The following SH3PXD2A variants were observed in gnomAD, a reference collection of about 807,000 sequenced individuals.
The protein encoded by SH3PXD2A is SH3 and PX domain-containing protein 2A.
Under a neutral mutation model 115.2 loss-of-function variants are expected in SH3PXD2A, and 32 were observed. That is an observed-to-expected ratio of 0.28 (90% CI 0.21 to 0.37). SH3PXD2A has a LOEUF of 0.37. Ranked by LOEUF, SH3PXD2A falls within the 10% of genes least tolerant of loss-of-function variation. The pLI is 1.00. For missense variants in SH3PXD2A, 1,328 were observed against 1,498.7 expected, an observed-to-expected ratio of 0.89 and a Z score of 1.88; for synonymous variants, 610 against 629.1, an observed-to-expected ratio of 0.97 and a Z score of 0.45.
At chr10:103,607,283 G>A in intron 13 of SH3PXD2A, among the ~76,000 whole-genome samples, 1 of 151,858 alleles carries the variant, frequency 6.6e-6, no homozygotes, top group South Asian at 2.1e-4. Flanking sequence ...GAGAAGTGAG[G>A]AGCCCCTCCG....
At chr10:103,715,831 C>T (rs575015274) in intron 5 of SH3PXD2A, among the ~76,000 whole-genome samples, 44 of 152,328 alleles carry the variant, frequency 2.9e-4, no homozygotes, top group African/African-American at 9.6e-4. Flanking sequence ...GCTATTCCAG[C>T]TGCACTGCCA....
intron 2 of SH3PXD2A, among the ~76,000 whole-genome samples, chr10:103,774,381 T>C (rs896617320): frequency 1.3e-5 from 2 of 152,208 alleles, no homozygotes; most frequent in African/African-American, 4.8e-5. Context: ...TATGGCACTT[T>C]TAAGTTTCAA....
chr10:103,767,821 T>TTTTG (rs1564884201), intron 2 of SH3PXD2A, among the ~76,000 whole-genome samples: 3 of 148,258 alleles, frequency 2.0e-5, no homozygotes, highest in African/African-American at 7.4e-5. Context: ...TTTTTTTTTT[T>TTTTG]TTTTTTTTTT....
Position 103,600,281 on chromosome 10 carries a change from C to T in SH3PXD2A, c.*1535G>A, listed in dbSNP as rs1417693819. ...CTGAAATGTCAACAATTGAAAAACACAACCCAAAGGTGACAGAGGACCTAC... is the reference window on the plus strand; with the variant it reads ...CTGAAATGTCAACAATTGAAAAACATAACCCAAAGGTGACAGAGGACCTAC... On this transcript the variant is annotated 3_prime_UTR_variant, in exon 15 of 15. Coordinates refer to ENST00000369774, the MANE Select transcript of SH3PXD2A (RefSeq NM_001394015.1). 1 of 152,686 alleles carries T rather than the reference C, an allele frequency of 6.5e-6. No individual in the cohort carries two copies. Among genetic ancestry groups the T allele is most frequent in the African/African-American group, 2.4e-5 (1 of 41,468 alleles). The allele number at this position is 152,686 out of a possible 1,614,324, so 9.5% of individuals were successfully genotyped here.
intron 8 of SH3PXD2A, among the ~76,000 whole-genome samples, chr10:103,653,565 C>T (rs972170618): frequency 7.2e-5 from 11 of 152,136 alleles, no homozygotes; most frequent in Non-Finnish European, 1.5e-4. Context: ...TCCACAGAGC[C>T]AGTAGGTCCA....
intron 5 of SH3PXD2A, among the ~76,000 whole-genome samples, chr10:103,694,848 C>T (rs1200155805): frequency 6.6e-6 from 1 of 152,114 alleles, no homozygotes; most frequent in Admixed American, 6.6e-5. Context: ...CTTCCATTTG[C>T]CCCCTCCCCT....
chr10:103,619,225 G>A (rs1030666000), intron 10 of SH3PXD2A, among the ~76,000 whole-genome samples: 6 of 152,164 alleles, frequency 3.9e-5, no homozygotes, highest in Non-Finnish European at 5.9e-5. Context: ...ATTCTGACTC[G>A]GCCCTTTGAG....
At chr10:103,726,243 C>T (rs1233003728) in intron 4 of SH3PXD2A, among the ~76,000 whole-genome samples, 6 of 152,352 alleles carry the variant, frequency 3.9e-5, no homozygotes, top group African/African-American at 1.4e-4. Flanking sequence ...CATACCCCTG[C>T]CTCCTGAAAC....
intron 2 of SH3PXD2A, among the ~76,000 whole-genome samples, chr10:103,771,790 C>T (rs2038825154): frequency 1.3e-5 from 2 of 151,124 alleles, no homozygotes; most frequent in Admixed American, 6.6e-5. Context: ...CAGACACACA[C>T]ATACCCTGCA....
At chr10:103,678,165 G>C (rs564241227) in intron 6 of SH3PXD2A, 29 of 1,288,576 alleles carry the variant, frequency 2.3e-5, no homozygotes, top group East Asian at 5.5e-5. Flanking sequence ...TGTAATGTCT[G>C]GGGGGAGCAG....
chr10:103,760,707 T>A (rs916774945), intron 3 of SH3PXD2A, among the ~76,000 whole-genome samples: 37 of 152,014 alleles, frequency 2.4e-4, no homozygotes, highest in African/African-American at 8.9e-4. Context: ...AAAAGAGAGC[T>A]GGAGTAAAAA....
chr10:103,602,360 G>A lies in SH3PXD2A; in HGVS notation c.2858C>T (p.Pro953Leu). 1 of 1,613,620 alleles carries A rather than the reference G, an allele frequency of 6.2e-7. No homozygotes were observed. The highest frequency in any genetic ancestry group is 8.5e-7 in the Non-Finnish European group (1 of 1,179,888). Residue 953 changes from proline (P) to leucine (L), a missense_variant, in exon 15 of 15, where the codon CCT (proline) becomes CTT (leucine). Pro to Leu is a moderately conservative substitution (Grantham distance 98). This residue lies in a region of SH3PXD2A where 574 missense variants were observed against 565.7 expected (regional missense o/e 1.01). Coordinates refer to ENST00000369774, the MANE Select transcript of SH3PXD2A (RefSeq NM_001394015.1). ...TGAGGTCTTGCCGAAGCCCCCGGGA[G>A]GTTTGGAGGGGATGGGGGGCGTGGC... is the stretch of plus-strand genomic sequence containing the variant. ...KKATPPIPSK[P>L]PGGFGKTSGT...
At chr10:103,722,981 T>A (rs1222121142) in intron 5 of SH3PXD2A, among the ~76,000 whole-genome samples, 1 of 152,212 alleles carries the variant, frequency 6.6e-6, no homozygotes, top group Admixed American at 6.5e-5. Context: ...TCTTTTAGCA[T>A]GCGTGAAGAC....
chr10:103,677,843 A>G (rs2037559143), intron 6 of SH3PXD2A, among the ~76,000 whole-genome samples: 1 of 152,154 alleles, frequency 6.6e-6, no homozygotes, highest in Non-Finnish European at 1.5e-5. Context: ...CTCAAGCCCA[A>G]GGGTGCATGG....
chr10:103,801,566 C>CACACACACACACACACACACACAT (rs1279669002), intron 1 of SH3PXD2A, among the ~76,000 whole-genome samples: 8 of 151,814 alleles, frequency 5.3e-5, no homozygotes, highest in African/African-American at 1.7e-4. Flanking sequence ...CACACACACA[C>CACACACACACACACACACACACAT]ATACCCCTAG....
At chr10:103,732,772 C>G (rs957733568) in intron 4 of SH3PXD2A, among the ~76,000 whole-genome samples, 1 of 152,188 alleles carries the variant, frequency 6.6e-6, no homozygotes, top group African/African-American at 2.4e-5. Flanking sequence ...CTATGCAGGG[C>G]ACTGTAAGTA....
At chr10:103,740,424 C>A (rs976901505) in intron 3 of SH3PXD2A, among the ~76,000 whole-genome samples, 3 of 152,176 alleles carry the variant, frequency 2.0e-5, no homozygotes, top group Non-Finnish European at 4.4e-5. Flanking sequence ...AACCCCCAAA[C>A]CAACCACAGC....
At chr10:103,807,863 T>C (rs575649580) in intron 1 of SH3PXD2A, among the ~76,000 whole-genome samples, 2 of 152,128 alleles carry the variant, frequency 1.3e-5, no homozygotes, top group African/African-American at 4.8e-5. Context: ...ATGAACACGA[T>C]TGAGCAGCCA....
chr10:103,660,609 C>T (rs1373832937), intron 8 of SH3PXD2A, among the ~76,000 whole-genome samples: 2 of 152,214 alleles, frequency 1.3e-5, no homozygotes, highest in African/African-American at 4.8e-5. Context: ...GCTGTCCTGC[C>T]TGGACCCTGG....
Sources: gnomAD v4.1 joint callset for allele counts (sites outside exome capture counted in the v4.1 genomes callset) on GRCh38, gnomAD v4.1.1 for gene constraint, gnomAD v4.1.1 regional missense constraint, MANE v1.5 for transcripts, NCBI Gene and HGNC (gene_info 2026-07-23, HGNC 2026-07-21) for gene names.